TMEM117: variants seen among roughly 807,000 people sequenced by gnomAD.
TMEM117 encodes the protein transmembrane protein 117.
TMEM117 carries 27 observed loss-of-function variants against 52.4 expected under a neutral mutation model. The ratio of observed to expected loss-of-function variants is 0.51; its 90% CI spans 0.38 to 0.71. TMEM117 has a LOEUF of 0.71. Among genes scored for constraint, TMEM117 ranks in the 30% least tolerant of loss-of-function variants. TMEM117 has a pLI of 0.00. For missense variants in TMEM117, 556 were observed against 630.5 expected (o/e 0.88, Z 1.26); for synonymous variants, 215 against 206.3 (o/e 1.04, Z -0.36).
chr12:44,018,357 A>C (rs763933773), intron 3 of TMEM117, among the ~76,000 whole-genome samples: 1 of 152,214 alleles, frequency 6.6e-6, no homozygotes, highest in Admixed American at 6.5e-5. Flanking sequence ...TGTATGCTTT[A>C]AGGAAAGGTC....
At chr12:44,332,290 G>C (rs1337196935) in intron 6 of TMEM117, among the ~76,000 whole-genome samples, 1 of 152,024 alleles carries the variant, frequency 6.6e-6, no homozygotes, top group Non-Finnish European at 1.5e-5. Flanking sequence ...TGTAAGAATG[G>C]AATAAGTTTG....
chr12:43,939,868 A>G (rs1023321428), intron 2 of TMEM117, among the ~76,000 whole-genome samples: 1 of 152,224 alleles, frequency 6.6e-6, no homozygotes, highest in African/African-American at 2.4e-5. Context: ...AGGCCTCACA[A>G]TCATGGCAGA....
At chr12:44,352,583 A>T (rs921539849) in intron 6 of TMEM117, among the ~76,000 whole-genome samples, 2 of 152,040 alleles carry the variant, frequency 1.3e-5, no homozygotes, top group Admixed American at 1.3e-4. Flanking sequence ...GCTGTGAATG[A>T]TGGTTTCCAG....
At chr12:43,802,574 C>A in the TMEM117 span, 3 of 819,640 alleles carry the variant, frequency 3.7e-6, no homozygotes, top group South Asian at 3.6e-5. Context: ...TACTATTATT[C>A]ACATCAAAAA....
At chr12:43,805,840 G>C in the TMEM117 span, 2 of 1,398,302 alleles carry the variant, frequency 1.4e-6, no homozygotes, top group South Asian at 1.1e-5. Context: ...CCTGGTTCTC[G>C]ACAGCGTACT....
chr12:43,986,618 C>G (rs540364204), intron 3 of TMEM117, among the ~76,000 whole-genome samples: 2 of 152,230 alleles, frequency 1.3e-5, no homozygotes. Context: ...ATTTTAGAAT[C>G]AATATCTTTC....
At position 44,062,757 on chromosome 12, in the gene TMEM117, T is replaced by C. The variant is rs116216728; in HGVS notation, c.411-80768T>C. 3.2e-3 allele frequency among the ~76,000 whole-genome samples: 489 copies of C among 152,304 alleles called. 6 individuals carry two copies. Among genetic ancestry groups the C allele is most frequent in the African/African-American group, 0.011 (462 of 41,574 alleles). ...GCAGTAGTTAGTGACTTATGAACCATTGCCTGGCAAGAAAAGGTGACGTAG... is the reference window on the plus strand; with the variant it reads ...GCAGTAGTTAGTGACTTATGAACCACTGCCTGGCAAGAAAAGGTGACGTAG... On this transcript the variant is annotated intron_variant, in intron 3 of 7. Coordinates refer to ENST00000266534, the MANE Select transcript of TMEM117 (RefSeq NM_032256.3).
intron 6 of TMEM117, among the ~76,000 whole-genome samples, chr12:44,360,257 G>T (rs1305536125): frequency 6.6e-6 from 1 of 152,030 alleles, no homozygotes; most frequent in African/African-American, 2.4e-5. Flanking sequence ...TTGTTACATG[G>T]TATCATGTAC....
At chr12:44,201,403 A>T (rs1392083625) in intron 4 of TMEM117, among the ~76,000 whole-genome samples, 1 of 152,218 alleles carries the variant, frequency 6.6e-6, no homozygotes, top group African/African-American at 2.4e-5. Flanking sequence ...TCCCTAAAAA[A>T]TATAACTAAA....
chr12:44,240,809 G>A (rs1950052223), intron 5 of TMEM117, among the ~76,000 whole-genome samples: 1 of 151,992 alleles, frequency 6.6e-6, no homozygotes, highest in South Asian at 2.1e-4. Context: ...GATGTTTGCA[G>A]TGAATATCAA....
At chr12:43,992,089 G>A (rs1464519847) in intron 3 of TMEM117, among the ~76,000 whole-genome samples, 1 of 151,726 alleles carries the variant, frequency 6.6e-6, no homozygotes, top group African/African-American at 2.4e-5. Flanking sequence ...CTTGAGCCTG[G>A]GAGGTGGAGG....
intron 5 of TMEM117, among the ~76,000 whole-genome samples, chr12:44,229,928 A>G (rs528150093): frequency 1.3e-5 from 2 of 152,176 alleles, no homozygotes; most frequent in African/African-American, 4.8e-5. Flanking sequence ...CATAAACCAA[A>G]CTAACTTTGC....
intron 2 of TMEM117, among the ~76,000 whole-genome samples, chr12:43,915,919 C>G (rs1944594434): frequency 6.6e-6 from 1 of 151,716 alleles, no homozygotes; most frequent in Admixed American, 6.6e-5. Context: ...GCTTCAGCAC[C>G]CCCCTCAACC....
chr12:43,948,312 C>CT (rs879753040), intron 3 of TMEM117, among the ~76,000 whole-genome samples: 2,223 of 147,106 alleles, frequency 0.015, 28 homozygotes, highest in Non-Finnish European at 0.023. Context: ...CTCCTTTATT[C>CT]TTTTTTTTTT....
At chr12:44,323,220 A>G (rs1565714601) in intron 6 of TMEM117, among the ~76,000 whole-genome samples, 1 of 152,172 alleles carries the variant, frequency 6.6e-6, no homozygotes, top group Non-Finnish European at 1.5e-5. Flanking sequence ...AGTGAGACCC[A>G]TTTTGAACTT....
the TMEM117 span, among the ~76,000 whole-genome samples, chr12:44,398,449 C>A: frequency 1.3e-5 from 2 of 152,134 alleles, no homozygotes; most frequent in African/African-American, 4.8e-5. Context: ...AACCAGTTTG[C>A]ATTTTGTGAT....
chr12:44,240,737 T>A (rs1400497952), intron 5 of TMEM117, among the ~76,000 whole-genome samples: 11 of 152,080 alleles, frequency 7.2e-5, no homozygotes, highest in Admixed American at 2.6e-4. Flanking sequence ...TTCCACATTT[T>A]ATAGAAAAAA....
chr12:44,343,034 C>A (rs1351251679), intron 6 of TMEM117, among the ~76,000 whole-genome samples: 2 of 151,862 alleles, frequency 1.3e-5, no homozygotes, highest in African/African-American at 4.8e-5. Context: ...TACAGGTGCC[C>A]ACCACCATAC....
intron 5 of TMEM117, among the ~76,000 whole-genome samples, chr12:44,221,941 C>T (rs535665345): frequency 4.1e-4 from 62 of 152,140 alleles, no homozygotes; most frequent in South Asian, 8.3e-4. Context: ...TCAGGTAATC[C>T]GCCCGCCTTA....
Sources: gnomAD v4.1 joint callset for allele counts (sites outside exome capture counted in the v4.1 genomes callset) on GRCh38, gnomAD v4.1.1 for gene constraint, MANE v1.5 for transcripts, NCBI Gene and HGNC (gene_info 2026-07-23, HGNC 2026-07-21) for gene names.